CNTLN: variants seen among roughly 807,000 people sequenced by gnomAD.
CNTLN encodes centlein, also known as centlein, centrosomal protein.
In CNTLN, 212 loss-of-function variants were observed where a neutral mutation model predicts 180.0. The observed-to-expected ratio is 1.18, with a 90% confidence interval of 1.05 to 1.32. CNTLN has a LOEUF of 1.32. Among genes scored for constraint, CNTLN ranks in the 40% most tolerant of loss-of-function variants. The probability of loss-of-function intolerance (pLI) is 0.00; values close to 1 mark genes in which losing one functional copy is unlikely to be tolerated. For synonymous variants in CNTLN, 722 were observed against 563.1 expected, an observed-to-expected ratio of 1.28 and a Z score of -3.99; for missense variants, 2,095 against 1,610.9, an observed-to-expected ratio of 1.30 and a Z score of -5.14.
intron 25 of CNTLN, among the ~76,000 whole-genome samples, chr9:17,497,317 A>G (rs1833510158): frequency 2.0e-5 from 3 of 152,190 alleles, no homozygotes; most frequent in Admixed American, 2.0e-4. Flanking sequence ...AGTGTCACAC[A>G]GGAACCAGAC....
At chr9:17,423,560 AGTGGGTTAT>A (rs1289131884) in intron 18 of CNTLN, among the ~76,000 whole-genome samples, 2 of 152,100 alleles carry the variant, frequency 1.3e-5, no homozygotes, top group Non-Finnish European at 2.9e-5. Context: ...CTGATGTCTC[AGTGGGTTAT>A]GTGCACTTCA....
chr9:17,347,934 GTAT>G (rs1822045643), intron 12 of CNTLN, among the ~76,000 whole-genome samples: 1 of 151,842 alleles, frequency 6.6e-6, no homozygotes, highest in Non-Finnish European at 1.5e-5. Context: ...CGGGTTCAAG[GTAT>G]TCTTCTGCCT....
intron 18 of CNTLN, among the ~76,000 whole-genome samples, chr9:17,432,018 C>G (rs1398617694): frequency 6.6e-6 from 1 of 152,018 alleles, no homozygotes; most frequent in Non-Finnish European, 1.5e-5. Flanking sequence ...TTTTTGTTTT[C>G]CATATTAAAT....
the CNTLN span, among the ~76,000 whole-genome samples, chr9:17,514,147 A>G: frequency 6.6e-5 from 2 of 30,098 alleles, no homozygotes; most frequent in Non-Finnish European, 1.5e-4. Flanking sequence ...ATTTCTGCAA[A>G]TAGGTTAAAA....
At chr9:17,475,741 T>C (rs771952926) in intron 23 of CNTLN, among the ~76,000 whole-genome samples, 2 of 151,750 alleles carry the variant, frequency 1.3e-5, no homozygotes, top group African/African-American at 2.4e-5. Context: ...GGCATGGTGG[T>C]GGGCACCTGT....
At chr9:17,399,485 T>C (rs1338318344) in intron 15 of CNTLN, among the ~76,000 whole-genome samples, 1 of 152,236 alleles carries the variant, frequency 6.6e-6, no homozygotes, top group Non-Finnish European at 1.5e-5. Context: ...TCATTCAAAA[T>C]TATTTTACAA....
At chr9:17,185,551 C>G (rs1315865069) in intron 2 of CNTLN, among the ~76,000 whole-genome samples, 2 of 151,672 alleles carry the variant, frequency 1.3e-5, no homozygotes, top group Non-Finnish European at 2.9e-5. Flanking sequence ...TTTTTTTCTT[C>G]TAGTTTACTT....
intron 5 of CNTLN, among the ~76,000 whole-genome samples, chr9:17,250,370 T>C (rs111401911): frequency 0.024 from 3,636 of 152,112 alleles, 177 homozygotes; most frequent in African/African-American, 0.083. Flanking sequence ...TTTAGAGAAA[T>C]TATTAATGAG....
In CNTLN at chr9:17,437,805, A is replaced by G. The variant is rs1587991423; in HGVS notation, c.3115-19719A>G. On this transcript the variant is annotated intron_variant, in intron 18 of 25. Coordinates refer to ENST00000380647, the MANE Select transcript of CNTLN (RefSeq NM_017738.4). ...TAAAAGGAAACTGTGAGATATAGAGATATATATGTATATGTGTGTGTGTGT... is the reference window on the plus strand; with the variant it reads ...TAAAAGGAAACTGTGAGATATAGAGGTATATATGTATATGTGTGTGTGTGT... Among the ~76,000 whole-genome samples the G allele has an allele frequency of 3.9e-5, 6 of 152,262 alleles. No individual in the cohort carries two copies. The South Asian group carries it at 1.2e-3, about 32-fold the overall frequency.
Position 17,266,626 on chromosome 9 carries a change from T to G in CNTLN, c.850-7107T>G, listed in dbSNP as rs552737265. Among the ~76,000 whole-genome samples, 3 of 152,312 alleles carry G rather than the reference T, an allele frequency of 2.0e-5. No individual in the cohort carries two copies. The South Asian group carries it at 6.2e-4, about 32-fold the overall frequency. On this transcript the variant is annotated intron_variant, in intron 5 of 25. Coordinates refer to ENST00000380647, the MANE Select transcript of CNTLN (RefSeq NM_017738.4). The stretch of plus-strand genomic sequence containing the variant: ...TTCTGTCTCGTTGATCTGTTTAGTG[T>G]TGACGGTGGGATGTTATAGTCTCCC...
At chr9:17,437,011 TG>T (rs1473165414) in intron 18 of CNTLN, among the ~76,000 whole-genome samples, 2 of 152,204 alleles carry the variant, frequency 1.3e-5, no homozygotes, top group African/African-American at 4.8e-5. Flanking sequence ...TTGAGGCTGA[TG>T]AAACACAGTG....
At chr9:17,417,913 A>C (rs966084001) in intron 18 of CNTLN, among the ~76,000 whole-genome samples, 1 of 152,114 alleles carries the variant, frequency 6.6e-6, no homozygotes. Flanking sequence ...TAGGAGGTAT[A>C]AAAAGCACCT....
chr9:17,423,930 C>T (rs1417298828), intron 18 of CNTLN, among the ~76,000 whole-genome samples: 1 of 152,132 alleles, frequency 6.6e-6, no homozygotes, highest in Non-Finnish European at 1.5e-5. Context: ...CTACCCTCTT[C>T]AGTGCCTCTT....
At chr9:17,513,986 T>C in the CNTLN span, among the ~76,000 whole-genome samples, 1 of 152,070 alleles carries the variant, frequency 6.6e-6, no homozygotes, top group Admixed American at 6.5e-5. Flanking sequence ...GCTAGCCAAA[T>C]ATAAATAACC....
intron 18 of CNTLN, among the ~76,000 whole-genome samples, chr9:17,422,639 C>A (rs1281941329): frequency 2.0e-5 from 3 of 152,130 alleles, no homozygotes; most frequent in Non-Finnish European, 2.9e-5. Context: ...GTTCATTGAG[C>A]TTCCTTAAAA....
chr9:17,464,370 A>G, intron 20 of CNTLN, 127 bp from the exon 21 acceptor site: 1 of 723,124 alleles, frequency 1.4e-6, no homozygotes, highest in Non-Finnish European at 2.3e-6. Flanking sequence ...CATTTTACTG[A>G]TTTACAGTGT....
chr9:17,362,405 A>G (rs1823469868), intron 12 of CNTLN, among the ~76,000 whole-genome samples: 1 of 152,190 alleles, frequency 6.6e-6, no homozygotes, highest in Non-Finnish European at 1.5e-5. Flanking sequence ...GGAAGCTGCC[A>G]GTATATATCA....
intron 7 of CNTLN, chr9:17,299,428 T>C (rs904620243): frequency 1.0e-6 from 1 of 971,854 alleles, no homozygotes; most frequent in Non-Finnish European, 1.2e-6. Flanking sequence ...CTAGAATTAC[T>C]GGATTTTTAC....
chr9:17,485,234 T>G (rs1832835334), intron 24 of CNTLN, among the ~76,000 whole-genome samples: 1 of 152,142 alleles, frequency 6.6e-6, no homozygotes, highest in Non-Finnish European at 1.5e-5. Flanking sequence ...TAGCAGCTTC[T>G]CAACAAATAT....
Sources: gnomAD v4.1 joint callset for allele counts (sites outside exome capture counted in the v4.1 genomes callset) on GRCh38, gnomAD v4.1.1 for gene constraint, MANE v1.5 for transcripts, NCBI Gene and HGNC (gene_info 2026-07-23, HGNC 2026-07-21) for gene names.